Variants in FBXL7 observed in about 807,000 individuals in gnomAD.
The protein encoded by FBXL7 is F-box/LRR-repeat protein 7.
In FBXL7, 12 loss-of-function variants were observed where a neutral mutation model predicts 38.3. That is an observed-to-expected ratio of 0.31 (90% CI 0.20 to 0.51). The LOEUF is 0.51. Ranked by LOEUF, FBXL7 falls within the 20% of genes least tolerant of loss-of-function variation. The pLI is 0.98. For synonymous variants in FBXL7, 297 were observed against 300.9 expected, an observed-to-expected ratio of 0.99 and a Z score of 0.13; for missense variants, 567 against 676.4, an observed-to-expected ratio of 0.84 and a Z score of 1.79.
At chr5:15,700,546 T>C (rs11133823) in intron 2 of FBXL7, among the ~76,000 whole-genome samples, 85,598 of 151,994 alleles carry the variant, frequency 0.56, 24,204 homozygotes, top group East Asian at 0.69. Context: ...AATTGGGCCT[T>C]CATGTGTCTT....
At position 15,646,618 on chromosome 5, in the gene FBXL7, T is replaced by A. The variant is rs1412495730; in HGVS notation, c.127+30546T>A. 2.0e-5 allele frequency among the ~76,000 whole-genome samples: 3 copies of A among 152,230 alleles called. 1 individual carries two copies. The highest frequency in any genetic ancestry group is 4.1e-4 in the South Asian group (2 of 4,830). ...TACAGCTGTTTTGGAGCTTTGGAAT[T>A]GCTGGAAATGTTTAAACACTACACT... On this transcript the variant is annotated intron_variant, in intron 2 of 3. Transcript: ENST00000504595.
rs1334428344 is a variant in FBXL7, at chr5:15,757,548, A to G, written c.127+141476A>G. 5.3e-5 allele frequency among the ~76,000 whole-genome samples: 8 copies of G among 152,202 alleles called. No individual in the cohort carries two copies. In the South Asian group the frequency reaches 1.2e-3, roughly 24 times the overall value. ...GATTTTATTTTCTCAGGAAAAAAAA[A>G]AAAAAAGATTTGTTTCCAGGTGCTT... On this transcript the variant is annotated intron_variant, in intron 2 of 3. Transcript: ENST00000504595.
At chr5:15,776,821 T>G (rs913954257) in intron 2 of FBXL7, among the ~76,000 whole-genome samples, 1 of 152,152 alleles carries the variant, frequency 6.6e-6, no homozygotes, top group Non-Finnish European at 1.5e-5. Flanking sequence ...TGGATAATGG[T>G]AACATTTATG....
chr5:15,571,488 A>C (rs927791364), intron 1 of FBXL7, among the ~76,000 whole-genome samples: 2 of 152,230 alleles, frequency 1.3e-5, no homozygotes, highest in African/African-American at 4.8e-5. Context: ...ATTTGAACCC[A>C]GTGGCTTTTC....
At chr5:15,935,113 G>A (rs1742141797) in intron 3 of FBXL7, 5 of 531,318 alleles carry the variant, frequency 9.4e-6, no homozygotes, top group Middle Eastern at 6.4e-4. Context: ...TTTGTGGTGT[G>A]CGGGAAATGA....
intron 2 of FBXL7, among the ~76,000 whole-genome samples, chr5:15,809,654 A>G (rs1223926218): frequency 2.0e-5 from 3 of 149,080 alleles, no homozygotes; most frequent in African/African-American, 5.0e-5. Context: ...CAATTTAAAG[A>G]AAAAAAAAAG....
chr5:15,520,794 C>G (rs547923859), intron 1 of FBXL7, among the ~76,000 whole-genome samples: 4 of 152,282 alleles, frequency 2.6e-5, no homozygotes, highest in Admixed American at 6.5e-5. Flanking sequence ...TATCCTTCTG[C>G]AAGGAATTTA....
intron 2 of FBXL7, among the ~76,000 whole-genome samples, chr5:15,838,383 C>T (rs1356677921): frequency 6.6e-6 from 1 of 152,098 alleles, no homozygotes; most frequent in Non-Finnish European, 1.5e-5. Context: ...TGCGAGGGGT[C>T]TCTTTTATAA....
intron 2 of FBXL7, among the ~76,000 whole-genome samples, chr5:15,705,457 A>G (rs1310045124): frequency 1.3e-5 from 2 of 152,186 alleles, no homozygotes; most frequent in Admixed American, 6.5e-5. Flanking sequence ...GAGTGAATGT[A>G]CTTCAGAACT....
At chr5:15,553,394 C>T (rs1003383418) in intron 1 of FBXL7, among the ~76,000 whole-genome samples, 7 of 152,146 alleles carry the variant, frequency 4.6e-5, no homozygotes, top group African/African-American at 1.2e-4. Context: ...TGAATATGTG[C>T]GTATTGTATC....
intron 1 of FBXL7, among the ~76,000 whole-genome samples, chr5:15,588,059 C>G (rs2126476440): frequency 6.6e-6 from 1 of 152,242 alleles, no homozygotes; most frequent in East Asian, 1.9e-4. Context: ...CATTTTGCAT[C>G]AGATTTAATG....
intron 2 of FBXL7, among the ~76,000 whole-genome samples, chr5:15,727,284 T>G (rs538292561): frequency 2.0e-5 from 3 of 152,352 alleles, no homozygotes; most frequent in African/African-American, 7.2e-5. Context: ...CCTATATATT[T>G]ATATTCATTG....
intron 2 of FBXL7, among the ~76,000 whole-genome samples, chr5:15,838,789 A>T (rs1343072934): frequency 6.6e-6 from 1 of 151,784 alleles, no homozygotes; most frequent in Non-Finnish European, 1.5e-5. Context: ...TTCCCTGGGG[A>T]GTCTCCCTGG....
intron 2 of FBXL7, among the ~76,000 whole-genome samples, chr5:15,852,533 C>T (rs527861867): frequency 2.0e-5 from 3 of 152,206 alleles, no homozygotes; most frequent in South Asian, 4.2e-4. Flanking sequence ...ATCAGGCATC[C>T]GGTAATTTGT....
chr5:15,685,494 A>G (rs1323242977), intron 2 of FBXL7, among the ~76,000 whole-genome samples: 1 of 152,200 alleles, frequency 6.6e-6, no homozygotes, highest in Non-Finnish European at 1.5e-5. Flanking sequence ...GGTGAAATGA[A>G]TGGAACCTAG....
chr5:15,859,324 G>A (rs76273116), intron 2 of FBXL7, among the ~76,000 whole-genome samples: 2,071 of 152,278 alleles, frequency 0.014, 31 homozygotes, highest in East Asian at 0.075. Flanking sequence ...CCTCAACCTA[G>A]GGTGATTTTG....
intron 2 of FBXL7, among the ~76,000 whole-genome samples, chr5:15,700,901 T>A (rs1270462193): frequency 6.6e-6 from 1 of 152,196 alleles, no homozygotes; most frequent in Non-Finnish European, 1.5e-5. Context: ...GTATATAAAG[T>A]GAGGTACAGA....
intron 2 of FBXL7, among the ~76,000 whole-genome samples, chr5:15,647,971 A>G (rs1219850101): frequency 6.6e-6 from 1 of 152,246 alleles, no homozygotes; most frequent in Non-Finnish European, 1.5e-5. Flanking sequence ...AGTAGGTGCC[A>G]GTAGGCACTG....
At chr5:15,912,769 G>A (rs994153661) in intron 2 of FBXL7, among the ~76,000 whole-genome samples, 6 of 151,998 alleles carry the variant, frequency 3.9e-5, no homozygotes, top group South Asian at 2.1e-4. Flanking sequence ...GGGACCCACC[G>A]AAACGCCAGT....
Sources: gnomAD v4.1 joint callset for allele counts (sites outside exome capture counted in the v4.1 genomes callset) on GRCh38, gnomAD v4.1.1 for gene constraint, MANE v1.5 for transcripts, NCBI Gene and HGNC (gene_info 2026-07-23, HGNC 2026-07-21) for gene names.